Variants in NCBP3 observed in about 807,000 individuals in gnomAD.
NCBP3 encodes the protein nuclear cap binding subunit 3.
In NCBP3, 20 loss-of-function variants were observed where a neutral mutation model predicts 75.7. The ratio of observed to expected loss-of-function variants is 0.26; its 90% CI spans 0.19 to 0.38. The LOEUF (loss-of-function observed/expected upper bound fraction) is 0.38. Among genes scored for constraint, NCBP3 ranks in the 10% least tolerant of loss-of-function variants. The pLI, the probability that NCBP3 is intolerant of heterozygous loss-of-function variation, is 1.00. For missense variants in NCBP3, 678 were observed against 796.9 expected (o/e 0.85, Z 1.80); for synonymous variants, 293 against 290.5 (o/e 1.01, Z -0.09).
At position 3,806,543 on chromosome 17, in the gene NCBP3, A is replaced by G. The variant is rs1378203776; in HGVS notation, c.*6501T>C. 1 of 152,192 alleles carries G rather than the reference A, an allele frequency of 6.6e-6. No homozygotes were observed. The highest frequency in any genetic ancestry group is 1.5e-5 in the Non-Finnish European group (1 of 68,036). The allele number at this position is 152,192 out of a possible 1,614,324, so 9.4% of individuals were successfully genotyped here. On this transcript the variant is annotated 3_prime_UTR_variant, in exon 13 of 13. Transcript: ENST00000389005. ...GCTCAAATGAACAGTAAGAATCCTG[A>G]GGCAGGGTACTGACCTTGGTAGGTG...
chr17:3,827,569 G>C (rs1439457006), intron 4 of NCBP3, among the ~76,000 whole-genome samples: 1 of 152,194 alleles, frequency 6.6e-6, no homozygotes, highest in Non-Finnish European at 1.5e-5. Context: ...AAACTTAAAA[G>C]AGTATTTCTC....
chr17:3,828,205 C>T (rs2053820849), intron 4 of NCBP3, among the ~76,000 whole-genome samples: 1 of 152,238 alleles, frequency 6.6e-6, no homozygotes, highest in Non-Finnish European at 1.5e-5. Flanking sequence ...AGGCCTGAGC[C>T]ACCGTGCCTG....
chr17:3,841,286 T>C (rs1398265882), intron 2 of NCBP3, among the ~76,000 whole-genome samples: 2 of 152,196 alleles, frequency 1.3e-5, no homozygotes, highest in African/African-American at 2.4e-5. Flanking sequence ...CCTTCACTAA[T>C]TGTATATTGA....
At chr17:3,826,505 C>T (rs1328551160) in intron 4 of NCBP3, among the ~76,000 whole-genome samples, 1 of 152,032 alleles carries the variant, frequency 6.6e-6, no homozygotes, top group Non-Finnish European at 1.5e-5. Context: ...GTGGCATGAG[C>T]CGGTAGTCCC....
chr17:3,829,393 A>T lies in NCBP3; in HGVS notation c.356-25T>A, dbSNP rs375700050. 36 of 1,549,772 alleles carry T rather than the reference A, an allele frequency of 2.3e-5. No individual in the cohort carries two copies. In the Middle Eastern group the frequency reaches 1.5e-3, roughly 65 times the overall value. On this transcript the variant is annotated intron_variant, in intron 3 of 12. Coordinates refer to ENST00000389005, the MANE Select transcript of NCBP3 (RefSeq NM_001114118.3). ...GCTAGAAAGACAAGACACAGAAAAG[A>T]TGATAGAATTTTCCTGTCCGCAACT...
At position 3,813,155 on chromosome 17, in the gene NCBP3, C is replaced by G. The variant is rs763901943; in HGVS notation, c.1752G>C (p.Leu584=). 6.2e-7 allele frequency: 1 copy of G among 1,614,230 alleles called. No homozygotes were observed. The highest frequency in any genetic ancestry group is 2.2e-5 in the East Asian group (1 of 44,882). The change falls in exon 13 of 13, where the codon CTG becomes CTC. Residue 584 remains leucine (L), a synonymous_variant. Transcript: ENST00000389005. ...GGCGAGACTGCTCTTTCTCCTTAAT[C>G]AGAGCCCCCCATGCCCTTTGCAGCT... ...DSELQRAWGA[L]IKEKEQSRQK...
At chr17:3,835,967 A>G (rs2053965527) in intron 3 of NCBP3, among the ~76,000 whole-genome samples, 1 of 152,202 alleles carries the variant, frequency 6.6e-6, no homozygotes, top group Non-Finnish European at 1.5e-5. Flanking sequence ...TGGGACTATG[A>G]GCAAGTTTCC....
intron 11 of NCBP3, among the ~76,000 whole-genome samples, chr17:3,815,896 C>A (rs549798306): frequency 8.0e-4 from 122 of 152,342 alleles, no homozygotes; most frequent in Non-Finnish European, 1.4e-3. Flanking sequence ...CAAGGAACAA[C>A]TGTAATTATT....
chr17:3,813,071 G>A lies in NCBP3; in HGVS notation c.1836C>T (p.Ser612=). 6.2e-7 allele frequency: 1 copy of A among 1,614,204 alleles called. No homozygotes were observed. Among genetic ancestry groups the A allele is most frequent in the Non-Finnish European group, 8.5e-7 (1 of 1,180,030 alleles). Residue 612 remains serine (S), a synonymous_variant, in exon 13 of 13, where the codon AGC becomes AGT. Coordinates refer to ENST00000389005, the MANE Select transcript of NCBP3 (RefSeq NM_001114118.3). Reference sequence around the variant, plus strand: ...AGGACTCTGCCTCTGAACCAGAGCTGCTTTCCCGACTAACTTCAATCTGGA... The same window carrying A: ...AGGACTCTGCCTCTGAACCAGAGCTACTTTCCCGACTAACTTCAATCTGGA... ...PSLQIEVSRE[S]SSGSEAES
At chr17:3,819,569 AAAAAG>A (rs983296557) in intron 9 of NCBP3, among the ~76,000 whole-genome samples, 1 of 152,084 alleles carries the variant, frequency 6.6e-6, no homozygotes, top group African/African-American at 2.4e-5. Flanking sequence ...CAAAAAAAAA[AAAAAG>A]AGAGAAACAT....
chr17:3,838,482 C>A (rs1567595115), intron 3 of NCBP3, among the ~76,000 whole-genome samples: 1 of 152,204 alleles, frequency 6.6e-6, no homozygotes, highest in Non-Finnish European at 1.5e-5. Flanking sequence ...ATGAGGGAAG[C>A]AAGGGCGTGT....
Position 3,818,560 on chromosome 17 carries a change from A to ACC in NCBP3, c.1012_1013insGG (p.Val338GlyfsTer35). The ACC allele has an allele frequency of 6.2e-7, 1 of 1,605,706 alleles. No homozygotes were observed. The highest frequency in any genetic ancestry group is 8.5e-7 in the Non-Finnish European group (1 of 1,179,074). ...CTCCTCTTCAATGGGTTCCTCGGGA[A>ACC]CATTCACTAGCCCTGAAGAAATTTA... On this transcript the variant is annotated frameshift_variant, in exon 10 of 13. Transcript: ENST00000389005. LOFTEE classifies it high-confidence loss of function. The surrounding 1 kb of genome is among the most constrained non-coding windows in gnomAD (Gnocchi z 4.7).
At chr17:3,826,337 T>C in intron 4 of NCBP3, 122 bp from the exon 5 acceptor site, 3 of 967,342 alleles carry the variant, frequency 3.1e-6, no homozygotes, top group Middle Eastern at 3.5e-4. Context: ...TCAGTAAATA[T>C]ACAAACCAAC....
chr17:3,826,009 A>G (rs1344777258), intron 5 of NCBP3, 78 bp downstream of exon 5: 1 of 1,497,794 alleles, frequency 6.7e-7, no homozygotes, highest in Non-Finnish European at 9.0e-7. Flanking sequence ...ATGAGATGCT[A>G]TATAGAGCTC....
intron 5 of NCBP3, 89 bp from the exon 6 acceptor site, chr17:3,825,932 A>T: frequency 7.1e-7 from 1 of 1,414,078 alleles, no homozygotes; most frequent in African/African-American, 1.4e-5. Context: ...TAATTTTAAA[A>T]GTCCAGTATT....
intron 4 of NCBP3, among the ~76,000 whole-genome samples, chr17:3,826,876 G>A (rs550860689): frequency 1.0e-3 from 156 of 152,134 alleles, no homozygotes; most frequent in African/African-American, 3.4e-3. Flanking sequence ...AGCCGGGCGT[G>A]GTGGCGGGCG....
chr17:3,846,198 A>T lies in NCBP3; in HGVS notation c.26T>A (p.Val9Glu), dbSNP rs1172448627. 6.7e-7 allele frequency: 1 copy of T among 1,496,392 alleles called. No homozygotes were observed. The highest frequency in any genetic ancestry group is 1.5e-5 in the African/African-American group (1 of 68,206). 92.7% of individuals were successfully genotyped at this position (1,496,392 alleles called of 1,614,324 possible). ...CGCCGGGGCCTCCGCCTTCACCGACACCCGCAGGCCCCGTACGGCCGCCAT... is the reference window on the plus strand; with the variant it reads ...CGCCGGGGCCTCCGCCTTCACCGACTCCCGCAGGCCCCGTACGGCCGCCAT... Reference protein sequence around the residue: MAAVRGLRVSVKAEAPAGP... With the variant: MAAVRGLRESVKAEAPAGP... Residue 9 changes from valine (V) to glutamate (E), a missense_variant, in exon 1 of 13, where the codon GTG becomes GAG. Around this residue, in one of 7 missense-constraint regions of NCBP3, gnomAD observed 76 missense variants for 53.8 expected, o/e 1.41. Transcript: ENST00000389005. This position sits in a 1 kb window ranked among gnomAD's most constrained non-coding sequence, Gnocchi z 4.6.
At chr17:3,844,069 T>A (rs1057211443) in intron 1 of NCBP3, among the ~76,000 whole-genome samples, 2 of 152,142 alleles carry the variant, frequency 1.3e-5, no homozygotes, top group African/African-American at 4.8e-5. Flanking sequence ...GCACAGTCAC[T>A]TAGCTCCCCA....
intron 1 of NCBP3, among the ~76,000 whole-genome samples, chr17:3,845,526 A>G (rs576657216): frequency 3.3e-4 from 50 of 152,264 alleles, no homozygotes; most frequent in African/African-American, 1.2e-3. Context: ...GATGACCCCG[A>G]AGTCACGACA....
Sources: gnomAD v4.1 joint callset for allele counts (sites outside exome capture counted in the v4.1 genomes callset) on GRCh38, gnomAD v4.1.1 for gene constraint, gnomAD v4.1.1 regional missense constraint, Gnocchi (gnomAD v3.1) non-coding constraint, MANE v1.5 for transcripts, NCBI Gene and HGNC (gene_info 2026-07-23, HGNC 2026-07-21) for gene names.